VCL: variants seen among roughly 807,000 people sequenced by gnomAD.
The protein encoded by VCL is vinculin.
In VCL, 47 loss-of-function variants were observed where a neutral mutation model predicts 125.7. The observed-to-expected ratio is 0.37, with a 90% CI of 0.30 to 0.48. The LOEUF (loss-of-function observed/expected upper bound fraction) is 0.48. Among genes scored for constraint, VCL ranks in the 20% least tolerant of loss-of-function variants. The pLI is 0.99. For missense variants in VCL, 1,069 were observed against 1,455.5 expected (o/e 0.73, Z 4.32); for synonymous variants, 458 against 514.6 (o/e 0.89, Z 1.49).
intron 2 of VCL, among the ~76,000 whole-genome samples, chr10:74,055,684 TTCA>T (rs1433855217): frequency 6.6e-6 from 1 of 152,174 alleles, no homozygotes; most frequent in Non-Finnish European, 1.5e-5. Context: ...AAAAATTTTA[TTCA>T]TCACAACAGA....
intron 2 of VCL, among the ~76,000 whole-genome samples, chr10:74,050,172 A>G (rs959827608): frequency 2.6e-5 from 4 of 152,314 alleles, no homozygotes; most frequent in Non-Finnish European, 5.9e-5. Context: ...TTCGAACTGG[A>G]CAGTGTTGTC....
intron 13 of VCL, among the ~76,000 whole-genome samples, chr10:74,098,579 C>T (rs1001140508): frequency 1.3e-5 from 2 of 152,216 alleles, no homozygotes; most frequent in African/African-American, 4.8e-5. Flanking sequence ...TTGGCTTGAA[C>T]TCTGTCTCAT....
chr10:74,022,430 C>A (rs185047063), intron 1 of VCL, among the ~76,000 whole-genome samples: 1 of 151,786 alleles, frequency 6.6e-6, no homozygotes, highest in South Asian at 2.1e-4. Context: ...CCTGTAGTTA[C>A]AGCTACTCCG....
intron 5 of VCL, 83 bp downstream of exon 5, chr10:74,072,935 G>A (rs879023209): frequency 1.5e-5 from 23 of 1,526,424 alleles, no homozygotes; most frequent in Non-Finnish European, 2.0e-5. Context: ...GTTTTCTTTT[G>A]TTTTCTTTTC....
intron 14 of VCL, among the ~76,000 whole-genome samples, chr10:74,103,403 G>A (rs931300423): frequency 6.6e-6 from 1 of 152,128 alleles, no homozygotes; most frequent in African/African-American, 2.4e-5. Context: ...GATATTAACT[G>A]TCCTGTCTCA....
intron 8 of VCL, among the ~76,000 whole-genome samples, chr10:74,086,181 T>C (rs537135028): frequency 6.6e-6 from 1 of 152,332 alleles, no homozygotes; most frequent in Non-Finnish European, 1.5e-5. Context: ...ATGCGGATCT[T>C]AAAGGCGTGG....
chr10:74,049,331 A>G (rs964967237), intron 2 of VCL, among the ~76,000 whole-genome samples: 2 of 152,216 alleles, frequency 1.3e-5, no homozygotes, highest in Non-Finnish European at 2.9e-5. Flanking sequence ...CCATGGGGAT[A>G]TGCCATAAAC....
At chr10:74,031,924 C>T (rs1024630316) in intron 1 of VCL, among the ~76,000 whole-genome samples, 5 of 151,856 alleles carry the variant, frequency 3.3e-5, no homozygotes, top group Admixed American at 6.6e-5. Flanking sequence ...ATTAGCCAGG[C>T]GTGGTGGTGC....
chr10:74,093,709 G>A (rs1839924721), intron 10 of VCL, among the ~76,000 whole-genome samples: 1 of 152,058 alleles, frequency 6.6e-6, no homozygotes, highest in South Asian at 2.1e-4. Flanking sequence ...TGAGGCAGGA[G>A]GATTGCTGCA....
chr10:74,039,906 C>T (rs12782972), intron 1 of VCL, among the ~76,000 whole-genome samples: 23,069 of 152,178 alleles, frequency 0.15, 1,841 homozygotes, highest in East Asian at 0.22. Flanking sequence ...TGGCCCTTGC[C>T]TTCTTACCCA....
In VCL at chr10:74,046,267, A is replaced by G. The variant is rs187834882; in HGVS notation, c.239+3114A>G. 4.8e-3 allele frequency among the ~76,000 whole-genome samples: 736 copies of G among 152,200 alleles called. 1 individual carries two copies. Among genetic ancestry groups the G allele is most frequent in the Non-Finnish European group, 7.2e-3 (487 of 67,998 alleles). On this transcript the variant is annotated intron_variant, in intron 2 of 21. Transcript: ENST00000211998. ...GCCTGGTAATATATATATATTTTTG[A>G]GACAGGCTCTCACTCTGTCACCCAG...
chr10:74,062,083 G>C (rs1318352070), intron 2 of VCL, among the ~76,000 whole-genome samples: 3 of 151,336 alleles, frequency 2.0e-5, no homozygotes, highest in African/African-American at 7.3e-5. Flanking sequence ...TTTATTTTTT[G>C]AGATGGGGTC....
At chr10:74,065,611 A>G (rs1841557092) in intron 2 of VCL, among the ~76,000 whole-genome samples, 1 of 151,710 alleles carries the variant, frequency 6.6e-6, no homozygotes, top group Non-Finnish European at 1.5e-5. Flanking sequence ...GGTGACCAGG[A>G]GGTCGAGGCT....
Position 74,090,061 on chromosome 10 carries a change from A to G in VCL, c.1215A>G (p.Glu405=), listed in dbSNP as rs572338868. ...LADPNGGPEG[E]EQIRGALAEA... is the part of the protein sequence containing the mutation. ...ATCCAAATGGTGGACCGGAAGGAGA[A>G]GAGCAGATTCGAGGTGCTTTGGCTG... The change falls in exon 10 of 22, where the codon GAA becomes GAG. Residue 405 remains glutamate (E), a synonymous_variant. Coordinates refer to ENST00000211998, the MANE Select transcript of VCL (RefSeq NM_014000.3). 1 of 1,614,210 alleles carries G rather than the reference A, an allele frequency of 6.2e-7. No individual in the cohort carries two copies. The highest frequency in any genetic ancestry group is 1.3e-5 in the African/African-American group (1 of 75,054).
chr10:74,045,302 G>GATAC (rs1216765460), intron 2 of VCL, among the ~76,000 whole-genome samples: 1 of 151,522 alleles, frequency 6.6e-6, no homozygotes, highest in East Asian at 1.9e-4. Context: ...TAGATAGATA[G>GATAC]ATAGATATGT....
Position 74,097,138 on chromosome 10 carries a change from A to G in VCL, c.1744-66A>G. 6 of 1,593,940 alleles carry G rather than the reference A, an allele frequency of 3.8e-6. No individual in the cohort carries two copies. Among genetic ancestry groups the G allele is most frequent in the Non-Finnish European group, 4.3e-6 (5 of 1,169,092 alleles). Reference sequence around the variant, plus strand: ...TAGATGAATGAATGTCAGTGAAGTAAGGGCATTAGTAGATATGCTTTGAGG... The same window carrying G: ...TAGATGAATGAATGTCAGTGAAGTAGGGGCATTAGTAGATATGCTTTGAGG... On this transcript the variant is annotated intron_variant, in intron 12 of 21. Coordinates refer to ENST00000211998, the MANE Select transcript of VCL (RefSeq NM_014000.3). This position sits in a 1 kb window ranked among gnomAD's most constrained non-coding sequence, Gnocchi z 4.1.
At position 74,114,364 on chromosome 10, in the gene VCL, C is replaced by T; in HGVS notation, c.3130C>T (p.Arg1044Trp). 1.9e-6 allele frequency: 3 copies of T among 1,613,254 alleles called. No homozygotes were observed. The highest frequency in any genetic ancestry group is 2.5e-6 in the Non-Finnish European group (3 of 1,179,922). Residue 1044 changes from arginine to tryptophan, a missense_variant, in exon 20 of 22, where the codon CGG becomes TGG. Around this residue, in one of 6 missense-constraint regions of VCL, gnomAD observed 91 missense variants for 203.9 expected, o/e 0.45. Transcript: ENST00000211998. ...KEVAKQCTDK[R>W]IRTNLLQVCE... is the part of the protein sequence containing the mutation. ...GGTTGCCAAGCAGTGCACAGATAAA[C>T]GGATTAGAACCAACCTCTTACAGGT...
intron 1 of VCL, among the ~76,000 whole-genome samples, chr10:74,017,913 C>T (rs2136231348): frequency 6.6e-6 from 1 of 151,778 alleles, no homozygotes; most frequent in South Asian, 2.1e-4. Flanking sequence ...AATCCCAGCA[C>T]TTTGGGAGGC....
At chr10:74,036,911 CT>C (rs1028807069) in intron 1 of VCL, among the ~76,000 whole-genome samples, 74 of 144,698 alleles carry the variant, frequency 5.1e-4, no homozygotes, top group African/African-American at 5.8e-4. Context: ...TTTTCTTTTT[CT>C]TTTTTTTTTT....
Sources: allele counts gnomAD v4.1 joint callset (sites outside exome capture counted in the v4.1 genomes callset), GRCh38; gene constraint gnomAD v4.1.1; regional missense constraint gnomAD v4.1.1; non-coding constraint Gnocchi (gnomAD v3.1); transcripts MANE v1.5; gene names NCBI Gene and HGNC (gene_info 2026-07-23, HGNC 2026-07-21).